LDLRAD4: variants seen among roughly 807,000 people sequenced by gnomAD.
The protein encoded by LDLRAD4 is low density lipoprotein receptor class A domain containing 4, also known as low-density lipoprotein receptor class A domain-containing protein 4.
LDLRAD4 carries 5 observed loss-of-function variants against 17.0 expected under a neutral mutation model. The observed-to-expected ratio is 0.29, with a 90% CI of 0.15 to 0.62. LDLRAD4 has a LOEUF of 0.62. LDLRAD4 is among the 20% of genes least tolerant of loss of function. The pLI, the probability that LDLRAD4 is intolerant of heterozygous loss-of-function variation, is 0.84. For missense variants in LDLRAD4, 340 were observed against 424.7 expected (o/e 0.80, Z 1.75); for synonymous variants, 168 against 171.8 (o/e 0.98, Z 0.17).
At chr18:13,575,520 C>T (rs2094756545) in intron 3 of LDLRAD4, among the ~76,000 whole-genome samples, 1 of 152,200 alleles carries the variant, frequency 6.6e-6, no homozygotes, top group Non-Finnish European at 1.5e-5. Flanking sequence ...AATTGTGCTG[C>T]TATAAACATG....
chr18:13,494,639 A>G (rs144742287), intron 3 of LDLRAD4, among the ~76,000 whole-genome samples: 5,884 of 49,460 alleles, frequency 0.12, 256 homozygotes, highest in Non-Finnish European at 0.23. Context: ...TGATTGCACC[A>G]CTGCACTCCA....
intron 2 of LDLRAD4, among the ~76,000 whole-genome samples, chr18:13,431,080 T>C (rs1031516506): frequency 1.3e-5 from 2 of 152,234 alleles, no homozygotes; most frequent in Non-Finnish European, 2.9e-5. Flanking sequence ...TATAGACATT[T>C]GGTTTTCAGA....
chr18:13,374,169 G>A (rs12608222), intron 1 of LDLRAD4, among the ~76,000 whole-genome samples: 7,004 of 152,244 alleles, frequency 0.046, 279 homozygotes, highest in East Asian at 0.18. Flanking sequence ...CACATAGGTC[G>A]TCTCTTGGGA....
intron 1 of LDLRAD4, among the ~76,000 whole-genome samples, chr18:13,239,221 C>T (rs114871620): frequency 0.031 from 4,593 of 150,370 alleles, 221 homozygotes; most frequent in African/African-American, 0.1. Flanking sequence ...CTTGTAACTG[C>T]GGGCTCGAGA....
intron 3 of LDLRAD4, among the ~76,000 whole-genome samples, chr18:13,542,669 G>A (rs1027951753): frequency 6.6e-6 from 1 of 152,150 alleles, no homozygotes; most frequent in East Asian, 1.9e-4. Flanking sequence ...GAGGCGGGGC[G>A]GGCGGAGGTG....
upstream of LDLRAD4, among the ~76,000 whole-genome samples, chr18:13,274,154 G>C (rs1428675047): frequency 6.6e-6 from 1 of 152,200 alleles, no homozygotes; most frequent in Non-Finnish European, 1.5e-5. Flanking sequence ...TTCCTTCCGG[G>C]AGGCTTAGTG....
chr18:13,231,418 G>C (rs112219837), intron 1 of LDLRAD4, among the ~76,000 whole-genome samples: 1 of 152,110 alleles, frequency 6.6e-6, no homozygotes, highest in Admixed American at 6.5e-5. Context: ...TCCTGATTGC[G>C]GCCTGCCCGA....
chr18:13,415,021 T>C (rs1409934168), intron 2 of LDLRAD4, among the ~76,000 whole-genome samples: 1 of 152,202 alleles, frequency 6.6e-6, no homozygotes, highest in African/African-American at 2.4e-5. Flanking sequence ...TAATTTGCAT[T>C]CTTTAGTAAG....
At chr18:13,271,893 CTT>C (rs753254188) in intron 1 of LDLRAD4, among the ~76,000 whole-genome samples, 1 of 79,018 alleles carries the variant, frequency 1.3e-5, no homozygotes, top group Non-Finnish European at 2.3e-5. Flanking sequence ...CTGTTCAGTG[CTT>C]TTTTTTTTTT....
chr18:13,333,265 GT>G (rs2081957298), intron 1 of LDLRAD4, among the ~76,000 whole-genome samples: 1 of 152,032 alleles, frequency 6.6e-6, no homozygotes, highest in Non-Finnish European at 1.5e-5. Context: ...TGGGTTGTTT[GT>G]TTTCTTATTT....
chr18:13,269,003 G>T (rs576285729), intron 1 of LDLRAD4, among the ~76,000 whole-genome samples: 3 of 152,318 alleles, frequency 2.0e-5, no homozygotes, highest in Admixed American at 2.0e-4. Flanking sequence ...TAACTTTAGG[G>T]TTTTTGTTTG....
intron 2 of LDLRAD4, among the ~76,000 whole-genome samples, chr18:13,405,445 C>T (rs1046608104): frequency 4.0e-5 from 6 of 151,838 alleles, no homozygotes; most frequent in East Asian, 1.9e-4. Context: ...TGTTTTGAGG[C>T]GGGGTCTCAC....
At chr18:13,389,100 A>G (rs1477783398) in intron 2 of LDLRAD4, among the ~76,000 whole-genome samples, 1 of 150,948 alleles carries the variant, frequency 6.6e-6, no homozygotes, top group East Asian at 2.0e-4. Flanking sequence ...GTGTAGACGA[A>G]GGGTTGGGGG....
At chr18:13,282,944 C>T (rs140869118) in intron 1 of LDLRAD4, among the ~76,000 whole-genome samples, 2,764 of 152,316 alleles carry the variant, frequency 0.018, 34 homozygotes, top group South Asian at 0.029. Flanking sequence ...TCTGTGTACC[C>T]GCAGGCTCAA....
At chr18:13,535,856 C>A (rs1210231321) in intron 3 of LDLRAD4, among the ~76,000 whole-genome samples, 1 of 152,138 alleles carries the variant, frequency 6.6e-6, no homozygotes, top group African/African-American at 2.4e-5. Context: ...GAGTCAAGTT[C>A]ACTTTTTGAA....
intron 3 of LDLRAD4, among the ~76,000 whole-genome samples, chr18:13,560,951 A>C (rs1201423033): frequency 1.3e-5 from 2 of 152,194 alleles, no homozygotes; most frequent in Non-Finnish European, 2.9e-5. Flanking sequence ...CCTGTGTGAA[A>C]TAAAGGAAAA....
chr18:13,641,809 G>A, intron 4 of LDLRAD4: 1 of 985,732 alleles, frequency 1.0e-6, no homozygotes, highest in Non-Finnish European at 1.2e-6. Flanking sequence ...GTGGGCACTT[G>A]GCCGGGTTTG....
Position 13,425,249 on chromosome 18 carries a change from A to C in LDLRAD4, c.41-12995A>C, listed in dbSNP as rs147978548. The stretch of plus-strand genomic sequence containing the variant: ...TAGGAAAAAATAAGGCAAGGAACAT[A>C]GTCCTGGACCTGGGTGTGGAGAAGG... On this transcript the variant is annotated intron_variant, in intron 2 of 5. Coordinates refer to ENST00000359446, the Ensembl canonical transcript of LDLRAD4. 4.5e-3 allele frequency among the ~76,000 whole-genome samples: 679 copies of C among 152,348 alleles called. 4 individuals carry two copies. The highest frequency in any genetic ancestry group is 0.016 in the African/African-American group (646 of 41,578).
intron 1 of LDLRAD4, among the ~76,000 whole-genome samples, chr18:13,323,219 C>A (rs2143427139): frequency 6.6e-6 from 1 of 152,362 alleles, no homozygotes; most frequent in South Asian, 2.1e-4. Context: ...GCATACATTT[C>A]TTTTTGTAGA....
Sources: allele counts gnomAD v4.1 joint callset (sites outside exome capture counted in the v4.1 genomes callset), GRCh38; gene constraint gnomAD v4.1.1; transcripts MANE v1.5; gene names NCBI Gene and HGNC (gene_info 2026-07-23, HGNC 2026-07-21).